ANKRD42: variants seen among roughly 807,000 people sequenced by gnomAD.
ANKRD42 encodes ankyrin repeat domain 42.
In ANKRD42, 43 loss-of-function variants were observed where a neutral mutation model predicts 51.5. The ratio of observed to expected loss-of-function variants is 0.83; its 90% CI spans 0.65 to 1.08. The LOEUF (loss-of-function observed/expected upper bound fraction) is 1.08, where lower values mean the gene tolerates loss of function less well. ANKRD42 is among the 50% of genes least tolerant of loss of function. ANKRD42 has a pLI of 0.00. For missense variants in ANKRD42, 608 were observed against 629.3 expected, an observed-to-expected ratio of 0.97 and a Z score of 0.36; for synonymous variants, 203 against 213.0, an observed-to-expected ratio of 0.95 and a Z score of 0.41.
intron 5 of ANKRD42, among the ~76,000 whole-genome samples, chr11:83,216,649 T>G (rs1394393757): frequency 6.6e-6 from 1 of 152,240 alleles, no homozygotes; most frequent in Non-Finnish European, 1.5e-5. Flanking sequence ...ATAAGATGGT[T>G]CTGGTGATCG....
At chr11:83,261,813 T>C (rs28930683), downstream of ANKRD42, 15,458 of 781,230 alleles carry the variant, frequency 0.02, 214 homozygotes, top group Non-Finnish European at 0.028. Context: ...AATAATCTTG[T>C]GTAGTAAATT....
intron 7 of ANKRD42, among the ~76,000 whole-genome samples, chr11:83,234,926 T>C (rs1006375825): frequency 5.3e-5 from 8 of 152,202 alleles, no homozygotes; most frequent in Non-Finnish European, 1.0e-4. Context: ...GCTGTAGGAC[T>C]GTAGTGATAG....
intron 8 of ANKRD42, 122 bp downstream of exon 8, chr11:83,236,631 G>T: frequency 1.5e-6 from 1 of 663,600 alleles, no homozygotes; most frequent in Non-Finnish European, 2.4e-6. Context: ...AATACAGATG[G>T]AATGACAATT....
At chr11:83,257,045 A>G (rs1256797416), downstream of ANKRD42, among the ~76,000 whole-genome samples, 4 of 152,218 alleles carry the variant, frequency 2.6e-5, no homozygotes, top group African/African-American at 7.2e-5. Flanking sequence ...ATAGATTGAA[A>G]GCCACAGAAG....
At chr11:83,219,004 G>A (rs543623586) in intron 5 of ANKRD42, among the ~76,000 whole-genome samples, 7 of 152,272 alleles carry the variant, frequency 4.6e-5, no homozygotes, top group Admixed American at 1.3e-4. Context: ...AAAATTAGCC[G>A]CTTCTTTTTT....
At position 83,210,324 on chromosome 11, in the gene ANKRD42, C is replaced by T. The variant is rs766576944; in HGVS notation, c.355C>T (p.Leu119=). ...VQALIMNGAN[L]TAQDDRGCTP... ...GGCTCTTATAATGAATGGAGCAAAT[C>T]TGACAGCCCAGGATGACCGGGGATG... is the stretch of plus-strand genomic sequence containing the variant. Residue 119 remains leucine (L), a synonymous_variant, in exon 4 of 11, where the codon CTG becomes TTG. Coordinates refer to ENST00000533342, the MANE Select transcript of ANKRD42 (RefSeq NM_001300975.2). 6.2e-7 allele frequency: 1 copy of T among 1,613,838 alleles called. No individual in the cohort carries two copies. The highest frequency in any genetic ancestry group is 8.5e-7 in the Non-Finnish European group (1 of 1,179,774).
At chr11:83,209,441 G>A (rs893395585) in intron 3 of ANKRD42, 19 of 1,578,932 alleles carry the variant, frequency 1.2e-5, no homozygotes, top group Middle Eastern at 2.3e-4. Context: ...ATACGACGAC[G>A]AGGAGTTTGA....
At chr11:83,219,004 G>T (rs543623586) in intron 5 of ANKRD42, among the ~76,000 whole-genome samples, 3 of 152,154 alleles carry the variant, frequency 2.0e-5, no homozygotes, top group South Asian at 2.1e-4. Context: ...AAAATTAGCC[G>T]CTTCTTTTTT....
chr11:83,221,869 T>C (rs1366094507), intron 5 of ANKRD42, among the ~76,000 whole-genome samples: 1 of 152,204 alleles, frequency 6.6e-6, no homozygotes, highest in Non-Finnish European at 1.5e-5. Context: ...CCCCTTTGTC[T>C]CTGGCTGTCC....
downstream of ANKRD42, among the ~76,000 whole-genome samples, chr11:83,252,370 T>C: frequency 6.6e-6 from 1 of 152,188 alleles, no homozygotes; most frequent in Non-Finnish European, 1.5e-5. Context: ...TTTCTTTGTG[T>C]ACACAGATGG....
intron 2 of ANKRD42, among the ~76,000 whole-genome samples, chr11:83,205,180 G>T (rs924291816): frequency 6.6e-6 from 1 of 152,154 alleles, no homozygotes; most frequent in Non-Finnish European, 1.5e-5. Flanking sequence ...CAAGACAAAT[G>T]TAAAACCAGT....
At chr11:83,194,843 C>A in intron 1 of ANKRD42, 115 bp downstream of exon 1, 1 of 1,086,888 alleles carries the variant, frequency 9.2e-7, no homozygotes, top group East Asian at 2.4e-5. Flanking sequence ...TCCCCCCTTT[C>A]CCTTTTTAAT....
downstream of ANKRD42, among the ~76,000 whole-genome samples, chr11:83,253,437 C>T (rs552900081): frequency 1.8e-4 from 28 of 152,220 alleles, no homozygotes; most frequent in African/African-American, 5.8e-4. Context: ...TCCATATATC[C>T]CAGCAGTAAT....
chr11:83,219,146 G>T (rs990645909), intron 5 of ANKRD42, among the ~76,000 whole-genome samples: 1 of 152,164 alleles, frequency 6.6e-6, no homozygotes, highest in Non-Finnish European at 1.5e-5. Flanking sequence ...CCTGGGACTC[G>T]TCTTCCCTAA....
chr11:83,248,294 AATACAC>A lies in ANKRD42; in HGVS notation c.*92_*97del. The A allele has an allele frequency of 7.6e-7, 1 of 1,310,526 alleles. No individual in the cohort carries two copies. The highest frequency in any genetic ancestry group is 9.7e-7 in the Non-Finnish European group (1 of 1,031,022). 81.2% of individuals were successfully genotyped at this position (1,310,526 alleles called of 1,614,324 possible). A position where few individuals can be genotyped will look rare whatever the true frequency, so the allele number is the denominator to read the frequency against. The stretch of plus-strand genomic sequence containing the variant: ...CTAGAGCTGATGACAGGATTAAAGG[AATACAC>A]ACACACACACACACACACACACACA... On this transcript the variant is annotated 3_prime_UTR_variant, in exon 11 of 11. Transcript: ENST00000533342.
At chr11:83,248,985 C>G (rs1273426337), downstream of ANKRD42, 2 of 983,492 alleles carry the variant, frequency 2.0e-6, no homozygotes, top group Non-Finnish European at 1.2e-6. Flanking sequence ...CTATTCTCTT[C>G]ATTTTGCAAC....
At chr11:83,259,657 A>T (rs150028275), downstream of ANKRD42, 30 of 152,236 alleles carry the variant, frequency 2.0e-4, no homozygotes, top group East Asian at 4.8e-3. Context: ...ACTATTGGAG[A>T]AGTTTTTTTT....
At chr11:83,243,606 C>T (rs1279528624) in intron 9 of ANKRD42, among the ~76,000 whole-genome samples, 1 of 152,086 alleles carries the variant, frequency 6.6e-6, no homozygotes, top group Non-Finnish European at 1.5e-5. Flanking sequence ...ATGGTGGTTC[C>T]CAAACCTGTC....
Position 83,194,582 on chromosome 11 carries a change from G to A in ANKRD42, c.-89G>A. 7.6e-7 allele frequency: 1 copy of A among 1,315,314 alleles called. No homozygotes were observed. The highest frequency in any genetic ancestry group is 1.8e-5 in the Admixed American group (1 of 55,228). The allele number at this position is 1,315,314 out of a possible 1,614,324, so 81.5% of individuals were successfully genotyped here. On this transcript the variant is annotated 5_prime_UTR_variant, in exon 1 of 11. Transcript: ENST00000533342. ...GACGGAGAAGAGGGCCGCTGCCGCT[G>A]CAGTGGCTCGTGGGTGAGAGCAAGT... is the stretch of plus-strand genomic sequence containing the variant.
Sources: allele counts gnomAD v4.1 joint callset (sites outside exome capture counted in the v4.1 genomes callset), GRCh38; gene constraint gnomAD v4.1.1; transcripts MANE v1.5; gene names NCBI Gene and HGNC (gene_info 2026-07-23, HGNC 2026-07-21).